Variants in MBNL2 observed in about 807,000 individuals in gnomAD.
The protein encoded by MBNL2 is muscleblind-like protein 2.
Under a neutral mutation model 41.9 loss-of-function variants are expected in MBNL2, and 17 were observed. The ratio of observed to expected loss-of-function variants is 0.41; its 90% CI spans 0.28 to 0.61. The LOEUF (loss-of-function observed/expected upper bound fraction) is 0.61, where lower values mean the gene tolerates loss of function less well. Ranked by LOEUF, MBNL2 falls within the 20% of genes least tolerant of loss-of-function variation. The pLI is 0.35. For synonymous variants in MBNL2, 195 were observed against 182.9 expected (o/e 1.07, Z -0.53); for missense variants, 336 against 505.6 (o/e 0.66, Z 3.22).
At chr13:97,190,634 C>T in the MBNL2 span, among the ~76,000 whole-genome samples, 2 of 152,182 alleles carry the variant, frequency 1.3e-5, no homozygotes, top group African/African-American at 4.8e-5. Flanking sequence ...TTTCTCTGAG[C>T]CTGATATTCT....
At chr13:97,241,096 C>A (rs759778412) in intron 1 of MBNL2, among the ~76,000 whole-genome samples, 16 of 152,188 alleles carry the variant, frequency 1.1e-4, no homozygotes, top group Non-Finnish European at 1.9e-4. Flanking sequence ...GAAAGGTTAG[C>A]CTCTTTGTTG....
intron 1 of MBNL2, among the ~76,000 whole-genome samples, chr13:97,247,585 A>C (rs144520990): frequency 0.011 from 1,675 of 152,334 alleles, 14 homozygotes; most frequent in Middle Eastern, 0.031. Context: ...GAGCATTAGA[A>C]TATTCCAATG....
In MBNL2 at chr13:97,355,162, C is replaced by T. The variant is rs1594257690; in HGVS notation, c.805-1634C>T. The stretch of plus-strand genomic sequence containing the variant: ...ATTGTTTTTAACGTTCACAATTGTA[C>T]TTTCACAACATTGATTTCATGTTAT... On this transcript the variant is annotated intron_variant, in intron 5 of 8. Coordinates refer to ENST00000679496, the MANE Select transcript of MBNL2 (RefSeq NM_001382683.1). Among the ~76,000 whole-genome samples the T allele has an allele frequency of 3.9e-5, 6 of 152,124 alleles. 1 individual carries two copies. In the South Asian group the frequency reaches 1.2e-3, roughly 32 times the overall value.
chr13:97,161,039 A>G, the MBNL2 span, among the ~76,000 whole-genome samples: 1 of 152,056 alleles, frequency 6.6e-6, no homozygotes, highest in Non-Finnish European at 1.5e-5. Flanking sequence ...GGAAACTTTT[A>G]GAAATGAGGA....
the MBNL2 span, among the ~76,000 whole-genome samples, chr13:97,176,035 GC>G: frequency 2.0e-5 from 3 of 152,270 alleles, no homozygotes; most frequent in South Asian, 4.2e-4. Flanking sequence ...CCTAGCAAAA[GC>G]TATTACTCTG....
the MBNL2 span, among the ~76,000 whole-genome samples, chr13:97,208,321 A>G: frequency 1.3e-5 from 2 of 152,232 alleles, no homozygotes; most frequent in Non-Finnish European, 2.9e-5. Context: ...AGACTTGGAC[A>G]GGAATAGTGC....
At chr13:97,249,455 C>T (rs1319548799) in intron 1 of MBNL2, among the ~76,000 whole-genome samples, 4 of 152,188 alleles carry the variant, frequency 2.6e-5, no homozygotes, top group Non-Finnish European at 5.9e-5. Context: ...AAATATATAA[C>T]ATTTAATATC....
chr13:97,294,550 C>T (rs2056723194), intron 2 of MBNL2, among the ~76,000 whole-genome samples: 1 of 152,214 alleles, frequency 6.6e-6, no homozygotes, highest in Non-Finnish European at 1.5e-5. Flanking sequence ...ATATCAGTGG[C>T]TGCCAAATGA....
chr13:97,148,747 C>G, the MBNL2 span, among the ~76,000 whole-genome samples: 342 of 152,176 alleles, frequency 2.2e-3, 4 homozygotes, highest in East Asian at 9.6e-4. Context: ...TAAGGTATAC[C>G]TTGTATTTTC....
the MBNL2 span, among the ~76,000 whole-genome samples, chr13:97,166,782 T>TGATA: frequency 0.042 from 5,868 of 139,908 alleles, 144 homozygotes; most frequent in East Asian, 0.054. Context: ...AAACTTCCCT[T>TGATA]GATAGATAGA....
chr13:97,374,408 A>G (rs373387756), intron 8 of MBNL2, among the ~76,000 whole-genome samples: 271 of 150,240 alleles, frequency 1.8e-3, no homozygotes, highest in African/African-American at 6.5e-3. Context: ...CAGCCTCCCA[A>G]AGTGCTGGGA....
the MBNL2 span, among the ~76,000 whole-genome samples, chr13:97,178,018 C>A: frequency 2.0e-5 from 3 of 152,146 alleles, no homozygotes; most frequent in African/African-American, 7.2e-5. Context: ...CTTGGAAAAG[C>A]TCCTGGAGAT....
the MBNL2 span, among the ~76,000 whole-genome samples, chr13:97,141,923 C>T: frequency 3.3e-5 from 5 of 152,094 alleles, no homozygotes; most frequent in Non-Finnish European, 5.9e-5. Flanking sequence ...GGAAGGCCAC[C>T]GTGTGATCAC....
intron 8 of MBNL2, among the ~76,000 whole-genome samples, chr13:97,387,916 G>C (rs1479677151): frequency 6.6e-6 from 1 of 152,154 alleles, no homozygotes; most frequent in Admixed American, 6.5e-5. Flanking sequence ...TGTGGTGGCT[G>C]TTTCTCTGAC....
At chr13:97,232,913 TAAAC>T (rs1398969858) in intron 1 of MBNL2, among the ~76,000 whole-genome samples, 40 of 148,290 alleles carry the variant, frequency 2.7e-4, no homozygotes, top group Non-Finnish European at 8.9e-5. Context: ...TGAATGAACT[TAAAC>T]AACTTGATGG....
At chr13:97,336,372 G>A (rs1446352832) in intron 3 of MBNL2, among the ~76,000 whole-genome samples, 2 of 152,128 alleles carry the variant, frequency 1.3e-5, no homozygotes, top group African/African-American at 4.8e-5. Flanking sequence ...ATGGCTCTCG[G>A]AGGTACCTGG....
At chr13:97,292,635 C>A (rs1356744002) in intron 2 of MBNL2, among the ~76,000 whole-genome samples, 1 of 151,300 alleles carries the variant, frequency 6.6e-6, no homozygotes, top group East Asian at 1.9e-4. Flanking sequence ...AGTTTAAGCC[C>A]ACTTCTTTAA....
chr13:97,171,614 A>G, the MBNL2 span, among the ~76,000 whole-genome samples: 1 of 152,196 alleles, frequency 6.6e-6, no homozygotes, highest in Admixed American at 6.6e-5. Context: ...ATCTGCCTAC[A>G]GGGAATACAT....
chr13:97,221,390 A>AAATAAATT (rs1428384329), upstream of MBNL2: 6 of 152,260 alleles, frequency 3.9e-5, no homozygotes, highest in African/African-American at 1.2e-4. Context: ...ATAAATAAAT[A>AAATAAATT]AATAAATAAC....
Sources: gnomAD v4.1 joint callset for allele counts (sites outside exome capture counted in the v4.1 genomes callset) on GRCh38, gnomAD v4.1.1 for gene constraint, MANE v1.5 for transcripts, NCBI Gene and HGNC (gene_info 2026-07-23, HGNC 2026-07-21) for gene names.